STAT4: variants seen among roughly 807,000 people sequenced by gnomAD.
STAT4 encodes signal transducer and activator of transcription 4.
A neutral mutation model predicts 110.5 loss-of-function variants in STAT4; 42 were observed. That is an observed-to-expected ratio of 0.38 (90% CI 0.30 to 0.49). The LOEUF (loss-of-function observed/expected upper bound fraction) is 0.49. STAT4 is among the 20% of genes least tolerant of loss of function. The pLI is 0.95. For synonymous variants in STAT4, 284 were observed against 302.2 expected (o/e 0.94, Z 0.63); for missense variants, 632 against 887.9 (o/e 0.71, Z 3.66).
chr2:191,115,654 C>A (rs1347993628), intron 3 of STAT4, among the ~76,000 whole-genome samples: 1 of 152,136 alleles, frequency 6.6e-6, no homozygotes, highest in Non-Finnish European at 1.5e-5. Context: ...ACAATTGGAC[C>A]GAATGCTCCT....
intron 3 of STAT4, among the ~76,000 whole-genome samples, chr2:191,106,161 A>G (rs1339508301): frequency 6.6e-6 from 1 of 152,166 alleles, no homozygotes; most frequent in Non-Finnish European, 1.5e-5. Flanking sequence ...TTGTCAGCCT[A>G]TCTCATGCTA....
chr2:191,092,888 G>C (rs1697841933), intron 3 of STAT4, among the ~76,000 whole-genome samples: 1 of 152,228 alleles, frequency 6.6e-6, no homozygotes, highest in Non-Finnish European at 1.5e-5. Flanking sequence ...CACACTGGGA[G>C]ATTATATCCC....
In STAT4 at chr2:191,143,770, G is replaced by A. The variant is rs560671171; in HGVS notation, c.273+2843C>T. ...AATATTTAAACCAGATAAGCACAGC[G>A]TCAACAGCCTTTTGATAGGGAATTT... On this transcript the variant is annotated intron_variant, in intron 3 of 23. Coordinates refer to ENST00000392320, the MANE Select transcript of STAT4 (RefSeq NM_003151.4). This position sits in a 1 kb window ranked among gnomAD's most constrained non-coding sequence, Gnocchi z 5.6. Among the ~76,000 whole-genome samples the A allele has an allele frequency of 9.3e-5, 14 of 150,964 alleles. No individual in the cohort carries two copies. Among genetic ancestry groups the A allele is most frequent in the Non-Finnish European group, 1.6e-4 (11 of 67,926 alleles).
At chr2:191,151,125 T>C, upstream of STAT4, 1 of 985,448 alleles carries the variant, frequency 1.0e-6, no homozygotes, top group Non-Finnish European at 1.2e-6. The surrounding 1 kb of genome is among the most constrained non-coding windows in gnomAD (Gnocchi z 4.7). Flanking sequence ...CTTGGGTCAG[T>C]TCCCACCCAC....
chr2:191,049,466 A>G (rs370032624), intron 14 of STAT4, among the ~76,000 whole-genome samples: 5 of 152,176 alleles, frequency 3.3e-5, no homozygotes, highest in South Asian at 2.1e-4. Context: ...GTGAGCCACC[A>G]TGCCTGGCCA....
chr2:191,088,133 C>T (rs921428219), intron 3 of STAT4, among the ~76,000 whole-genome samples: 1 of 152,140 alleles, frequency 6.6e-6, no homozygotes, highest in Non-Finnish European at 1.5e-5. Flanking sequence ...CCACATGTGT[C>T]CATAGACACA....
upstream of STAT4, chr2:191,151,081 C>T (rs1388939699): frequency 3.0e-6 from 3 of 985,352 alleles, no homozygotes; most frequent in Non-Finnish European, 3.6e-6. The surrounding 1 kb of genome is among the most constrained non-coding windows in gnomAD (Gnocchi z 4.7). Flanking sequence ...TTGAGGCTTT[C>T]CTGTGCGTCA....
At chr2:191,072,529 T>C (rs1697195030) in intron 5 of STAT4, among the ~76,000 whole-genome samples, 1 of 152,202 alleles carries the variant, frequency 6.6e-6, no homozygotes, top group African/African-American at 2.4e-5. Flanking sequence ...ATATTTATAG[T>C]TTATTTTGAT....
intron 3 of STAT4, among the ~76,000 whole-genome samples, chr2:191,078,584 C>G (rs938283426): frequency 6.6e-6 from 1 of 152,080 alleles, no homozygotes. Flanking sequence ...TCCTAAGTAT[C>G]AAAGACATAC....
chr2:191,151,360 T>C, upstream of STAT4: 1 of 985,662 alleles, frequency 1.0e-6, no homozygotes, highest in Non-Finnish European at 1.2e-6. The surrounding 1 kb of genome is among the most constrained non-coding windows in gnomAD (Gnocchi z 4.7). Context: ...CAGCTTCCTC[T>C]CTCCCTAGTA....
chr2:191,063,441 G>T (rs1252189701), intron 8 of STAT4, among the ~76,000 whole-genome samples: 2 of 152,144 alleles, frequency 1.3e-5, no homozygotes, highest in Non-Finnish European at 2.9e-5. Flanking sequence ...TTAGAGTAAG[G>T]TATATTTAGA....
In STAT4 at chr2:191,053,387, A is replaced by C. The variant is rs1056578020; in HGVS notation, c.1251+1103T>G. Among the ~76,000 whole-genome samples the C allele has an allele frequency of 3.3e-5, 5 of 152,230 alleles. No homozygotes were observed. The highest frequency in any genetic ancestry group is 5.9e-5 in the Non-Finnish European group (4 of 68,016). On this transcript the variant is annotated intron_variant, in intron 14 of 23. Transcript: ENST00000392320. The surrounding 1 kb of genome is among the most constrained non-coding windows in gnomAD (Gnocchi z 4.5). ...CATCAGTTCATTTGCCAAACGTCAC[A>C]TTTTCAGGCCCTGGCAGAGCATGTA...
rs890602282 is a variant in STAT4, at chr2:191,144,430, G to T, written c.273+2183C>A. Among the ~76,000 whole-genome samples, 14 of 152,134 alleles carry T rather than the reference G, an allele frequency of 9.2e-5. No individual in the cohort carries two copies. The highest frequency in any genetic ancestry group is 1.6e-4 in the Non-Finnish European group (11 of 68,032). Reference sequence around the variant, plus strand: ...ATGGACAAGGCTGAGTCATTCAAGAGTGTGTGTGACGTGTTCAGGAACAAG... The same window carrying T: ...ATGGACAAGGCTGAGTCATTCAAGATTGTGTGTGACGTGTTCAGGAACAAG... On this transcript the variant is annotated intron_variant, in intron 3 of 23. Coordinates refer to ENST00000392320, the MANE Select transcript of STAT4 (RefSeq NM_003151.4). The surrounding 1 kb of genome is among the most constrained non-coding windows in gnomAD (Gnocchi z 4.7).
Position 191,058,286 on chromosome 2 carries a change from G to A in STAT4, c.1095-67C>T. On this transcript the variant is annotated intron_variant, in intron 11 of 23. Coordinates refer to ENST00000392320, the MANE Select transcript of STAT4 (RefSeq NM_003151.4). The surrounding 1 kb of genome is among the most constrained non-coding windows in gnomAD (Gnocchi z 4.3). ...GATCTAGGAATAACTTTCTATGATA[G>A]TTTATTTTATTTATTTATTTATTTA... The A allele has an allele frequency of 7.0e-7, 1 of 1,421,298 alleles. No individual in the cohort carries two copies. 88.0% of individuals were successfully genotyped at this position (1,421,298 alleles called of 1,614,324 possible).
rs888252637 is a variant in STAT4 at position 191,031,862 on chromosome 2, T to C, written c.2045-346A>G. The stretch of plus-strand genomic sequence containing the variant: ...TGATTGAGTCATGTTTTGGGAGATA[T>C]AATAACCCAGTTCTTTTCATTAAAA... On this transcript the variant is annotated intron_variant, in intron 21 of 23. Transcript: ENST00000392320. This position sits in a 1 kb window ranked among gnomAD's most constrained non-coding sequence, Gnocchi z 4.8. Among the ~76,000 whole-genome samples the C allele has an allele frequency of 2.6e-5, 4 of 152,216 alleles. No homozygotes were observed. The highest frequency in any genetic ancestry group is 7.2e-5 in the African/African-American group (3 of 41,454).
At chr2:191,076,036 TGGAGAC>T in intron 4 of STAT4, 185 bp downstream of exon 4, 1 of 515,146 alleles carries the variant, frequency 1.9e-6, no homozygotes, top group South Asian at 2.8e-5. Flanking sequence ...TTTTTTTTTT[TGGAGAC>T]AGGGTCTTGC....
rs1055741314 is a variant in STAT4 at position 191,060,616 on chromosome 2, G to T, written c.1034+1113C>A. Among the ~76,000 whole-genome samples the T allele has an allele frequency of 1.3e-5, 2 of 152,050 alleles. No individual in the cohort carries two copies. Among genetic ancestry groups the T allele is most frequent in the Admixed American group, 1.3e-4 (2 of 15,266 alleles). ...CTATTTTTAGTAGAGATGGGGTATT[G>T]CCATGTTGTCCAGGCTGGTCTTGAA... On this transcript the variant is annotated intron_variant, in intron 10 of 23. Transcript: ENST00000392320. This position sits in a 1 kb window ranked among gnomAD's most constrained non-coding sequence, Gnocchi z 4.5.
chr2:191,054,595 G>A, intron 13 of STAT4, 61 bp from the exon 14 acceptor site: 1 of 1,470,546 alleles, frequency 6.8e-7, no homozygotes, highest in Admixed American at 1.9e-5. Flanking sequence ...ATATTAAGTT[G>A]GTCGTACCTG....
At chr2:191,087,258 A>AT (rs1270082026) in intron 3 of STAT4, among the ~76,000 whole-genome samples, 1 of 152,154 alleles carries the variant, frequency 6.6e-6, no homozygotes, top group African/African-American at 2.4e-5. Flanking sequence ...GTCTGTCTCC[A>AT]TTTAACAACC....
Sources: allele counts gnomAD v4.1 joint callset (sites outside exome capture counted in the v4.1 genomes callset), GRCh38; gene constraint gnomAD v4.1.1; non-coding constraint Gnocchi (gnomAD v3.1); transcripts MANE v1.5; gene names NCBI Gene and HGNC (gene_info 2026-07-23, HGNC 2026-07-21).